CEP162: variants seen among roughly 807,000 people sequenced by gnomAD.
The protein encoded by CEP162 is centrosomal protein 162, also known as centrosomal protein of 162 kDa.
A neutral mutation model predicts 169.2 loss-of-function variants in CEP162; 141 were observed. That is an observed-to-expected ratio of 0.83 (90% CI 0.73 to 0.96). The LOEUF is 0.96. CEP162 is among the 40% of genes least tolerant of loss of function. The pLI is 0.00. For missense variants in CEP162, 1,600 were observed against 1,587.2 expected, an observed-to-expected ratio of 1.01 and a Z score of -0.14; for synonymous variants, 540 against 526.4, an observed-to-expected ratio of 1.03 and a Z score of -0.35.
Position 84,160,732 on chromosome 6 carries a change from G to A in CEP162, c.2781+80C>T. 3 of 831,714 alleles carry A rather than the reference G, an allele frequency of 3.6e-6. No individual in the cohort carries two copies. In the South Asian group the frequency reaches 4.4e-5, roughly 12 times the overall value. The allele number at this position is 831,714 out of a possible 1,614,324, so 51.5% of individuals were successfully genotyped here. A position where few individuals can be genotyped will look rare whatever the true frequency, so the allele number is the denominator to read the frequency against. ...AATTTCCAGGTCAACTCCATCTCAT[G>A]GGAACTCCTGAAACAAAAGAGAAAA... On this transcript the variant is annotated intron_variant, in intron 21 of 26. Transcript: ENST00000403245.
At chr6:84,147,786 A>T (rs576641511) in intron 24 of CEP162, among the ~76,000 whole-genome samples, 1 of 152,274 alleles carries the variant, frequency 6.6e-6, no homozygotes, top group South Asian at 2.1e-4. Context: ...CTATGGCTTA[A>T]ATATAACATA....
At chr6:84,207,111 A>G (rs1246539466) in intron 6 of CEP162, among the ~76,000 whole-genome samples, 1 of 152,244 alleles carries the variant, frequency 6.6e-6, no homozygotes, top group Non-Finnish European at 1.5e-5. Context: ...GAACGCTTTT[A>G]CACTGTTGGT....
rs201038891 is a variant in CEP162, at chr6:84,146,725, C to T, written c.3832G>A (p.Val1278Ile). ...ATTTCTTCTCGAACTTCAGAAACTA[C>T]GAGAGACTCTTGTTTACTCTGCAGC... is the stretch of plus-strand genomic sequence containing the variant. ...NELQSKQESL[V>I]VSEVREEILQ... The change falls in exon 25 of 27, where the codon GTA (valine) becomes ATA (isoleucine). Residue 1278 changes from valine (V) to isoleucine (I), a missense_variant. Physicochemically the swap from Val to Ile is conservative, Grantham distance 29 (BLOSUM62 3). Transcript: ENST00000403245. The T allele has an allele frequency of 2.8e-5, 45 of 1,581,808 alleles. 1 individual carries two copies. Among genetic ancestry groups the T allele is most frequent in the South Asian group, 3.5e-5 (3 of 85,746 alleles).
chr6:84,194,354 C>CA (rs569413628), intron 10 of CEP162, among the ~76,000 whole-genome samples: 18,411 of 93,140 alleles, frequency 0.2, 1,495 homozygotes, highest in African/African-American at 0.32. Flanking sequence ...GACTCCGTCT[C>CA]AAAAAAAAAA....
intron 24 of CEP162, among the ~76,000 whole-genome samples, chr6:84,147,887 G>T (rs2129199085): frequency 6.6e-6 from 1 of 152,156 alleles, no homozygotes; most frequent in Middle Eastern, 3.4e-3. Context: ...GAAACTAAGA[G>T]AAATTGGGAA....
Position 84,211,951 on chromosome 6 carries a change from C to CA in CEP162, c.571+1005dup, listed in dbSNP as rs757993736. On this transcript the variant is annotated intron_variant, in intron 6 of 26. Transcript: ENST00000403245. ...AGAGAAAAAAAATACATGATATATA[C>CA]AAAATCACAATAATAGGAATTACCG... 1.7e-3 allele frequency among the ~76,000 whole-genome samples: 252 copies of CA among 145,228 alleles called. 2 individuals carry two copies. Among genetic ancestry groups the CA allele is most frequent in the African/African-American group, 6.0e-3 (238 of 39,688 alleles).
At position 84,152,341 on chromosome 6, in the gene CEP162, G is replaced by T. The variant is rs146799449; in HGVS notation, c.3629+204C>A. On this transcript the variant is annotated intron_variant, in intron 23 of 26. Coordinates refer to ENST00000403245, the MANE Select transcript of CEP162 (RefSeq NM_014895.4). Reference sequence around the variant, plus strand: ...CAATTTGGGTTGACACAGATGTTCAGGTACATCAGAATTTGGGCCACCAGC... The same window carrying T: ...CAATTTGGGTTGACACAGATGTTCATGTACATCAGAATTTGGGCCACCAGC... Among the ~76,000 whole-genome samples the T allele has an allele frequency of 3.0e-3, 458 of 152,256 alleles. 2 individuals are homozygous for T. Among genetic ancestry groups the T allele is most frequent in the African/African-American group, 0.01 (418 of 41,574 alleles).
intron 8 of CEP162, 23 bp from the exon 9 acceptor site, chr6:84,200,928 T>G: frequency 7.4e-7 from 1 of 1,355,510 alleles, no homozygotes; most frequent in Non-Finnish European, 1.1e-6. Flanking sequence ...AAAAGAAAAA[T>G]ATAAGGAATG....
At chr6:84,212,881 T>A in intron 6 of CEP162, 76 bp downstream of exon 6, 1 of 926,404 alleles carries the variant, frequency 1.1e-6, no homozygotes, top group Non-Finnish European at 1.7e-6. Context: ...CTTTTAATTA[T>A]TTTTCTTATT....
chr6:84,192,540 C>CAT (rs1400944406), intron 11 of CEP162, among the ~76,000 whole-genome samples: 8 of 152,330 alleles, frequency 5.3e-5, no homozygotes, highest in African/African-American at 1.9e-4. Flanking sequence ...AGGTTCACTG[C>CAT]ATCATTTTTT....
intron 25 of CEP162, among the ~76,000 whole-genome samples, chr6:84,138,536 A>G (rs1402410226): frequency 6.6e-6 from 1 of 152,090 alleles, no homozygotes; most frequent in African/African-American, 2.4e-5. Context: ...TTATAAATAA[A>G]CTCCATATTA....
In CEP162 at chr6:84,125,196, C is replaced by A. The variant is rs1294226433; in HGVS notation, c.4086G>T (p.Lys1362Asn). Reference sequence around the variant, plus strand: ...TGCGGAACTTCTCCAGCTCACGATTCTTTAACTGTGCCAGTCTTTTCCATT... The same window carrying A: ...TGCGGAACTTCTCCAGCTCACGATTATTTAACTGTGCCAGTCTTTTCCATT... ...VEKWKRLAQL[K>N]NRELEKFRTE... The change falls in exon 27 of 27, where the codon AAG becomes AAT. Residue 1362 changes from lysine to asparagine, a missense_variant. Coordinates refer to ENST00000403245, the MANE Select transcript of CEP162 (RefSeq NM_014895.4). 1 of 1,613,546 alleles carries A rather than the reference C, an allele frequency of 6.2e-7. No individual in the cohort carries two copies. Among genetic ancestry groups the A allele is most frequent in the African/African-American group, 1.3e-5 (1 of 74,904 alleles).
At chr6:84,158,198 C>T (rs953245664) in intron 21 of CEP162, among the ~76,000 whole-genome samples, 4 of 152,182 alleles carry the variant, frequency 2.6e-5, no homozygotes, top group African/African-American at 9.7e-5. Context: ...AAAATAGTGC[C>T]TGAGAGGCAG....
chr6:84,180,900 C>T (rs1306842761), intron 13 of CEP162, among the ~76,000 whole-genome samples: 33 of 152,078 alleles, frequency 2.2e-4, no homozygotes, highest in African/African-American at 7.5e-4. Context: ...GAATCAATAT[C>T]GTGAAAATGG....
chr6:84,216,921 T>C (rs1239056774), intron 3 of CEP162, among the ~76,000 whole-genome samples: 1 of 152,204 alleles, frequency 6.6e-6, no homozygotes, highest in Non-Finnish European at 1.5e-5. Context: ...ATAAAAAGTT[T>C]CAAAAATGTT....
chr6:84,188,803 C>T (rs117568032), intron 11 of CEP162, among the ~76,000 whole-genome samples: 7,839 of 152,240 alleles, frequency 0.051, 264 homozygotes, highest in Middle Eastern at 0.11. Flanking sequence ...TTTGAGAAGT[C>T]GCCAAATTGC....
rs773146006 is a variant in CEP162, at chr6:84,194,979, A to AT, written c.931dup (p.Ile311AsnfsTer2). ...GATATCTTCCACTGTGTTACTCTCA[A>AT]TTTTTTGTTTGTCTTCATCTCCCAA... On this transcript the variant is annotated frameshift_variant, in exon 10 of 27. Coordinates refer to ENST00000403245, the MANE Select transcript of CEP162 (RefSeq NM_014895.4). LOFTEE classifies it high-confidence loss of function. The AT allele has an allele frequency of 1.9e-6, 3 of 1,613,340 alleles. No homozygotes were observed. The East Asian group carries it at 6.7e-5, about 36-fold the overall frequency.
intron 1 of CEP162, among the ~76,000 whole-genome samples, chr6:84,226,975 A>T (rs1487646390): frequency 6.6e-6 from 1 of 152,228 alleles, no homozygotes; most frequent in Non-Finnish European, 1.5e-5. Flanking sequence ...ACACAAATAG[A>T]ATTTAGTAAG....
intron 21 of CEP162, 165 bp from the exon 22 acceptor site, chr6:84,155,675 C>T (rs1317425577): frequency 2.3e-5 from 13 of 577,492 alleles, no homozygotes; most frequent in Admixed American, 3.2e-5. Flanking sequence ...ATATATTTAA[C>T]CAAGAAGGTG....
Sources: allele counts gnomAD v4.1 joint callset (sites outside exome capture counted in the v4.1 genomes callset), GRCh38; gene constraint gnomAD v4.1.1; transcripts MANE v1.5; gene names NCBI Gene and HGNC (gene_info 2026-07-23, HGNC 2026-07-21).